CCDC50: variants seen among roughly 807,000 people sequenced by gnomAD.
CCDC50 encodes coiled-coil domain containing 50.
CCDC50 carries 54 observed loss-of-function variants against 70.2 expected under a neutral mutation model. The ratio of observed to expected loss-of-function variants is 0.77; its 90% CI spans 0.62 to 0.96. The LOEUF is 0.96. CCDC50 is among the 50% of genes least tolerant of loss of function. The pLI is 0.00. For synonymous variants in CCDC50, 216 were observed against 198.8 expected (o/e 1.09, Z -0.73); for missense variants, 558 against 578.7 (o/e 0.96, Z 0.37).
At chr3:191,336,547 A>T (rs1016965389) in intron 1 of CCDC50, among the ~76,000 whole-genome samples, 1 of 152,104 alleles carries the variant, frequency 6.6e-6, no homozygotes, top group Non-Finnish European at 1.5e-5. Context: ...GGAGTTCTTT[A>T]CATATTCTGG....
intron 1 of CCDC50, among the ~76,000 whole-genome samples, chr3:191,354,844 T>C (rs1002043380): frequency 3.3e-5 from 5 of 152,198 alleles, no homozygotes; most frequent in Admixed American, 6.6e-5. Context: ...TGGGGTAGTA[T>C]TTGCATATAA....
At chr3:191,345,638 C>T (rs1282160675) in intron 1 of CCDC50, among the ~76,000 whole-genome samples, 2 of 152,148 alleles carry the variant, frequency 1.3e-5, no homozygotes, top group Non-Finnish European at 2.9e-5. Flanking sequence ...ACCCGCTTGC[C>T]TGCAATCTGG....
intron 4 of CCDC50, among the ~76,000 whole-genome samples, chr3:191,365,633 T>A (rs1210972558): frequency 6.6e-6 from 1 of 152,204 alleles, no homozygotes; most frequent in Non-Finnish European, 1.5e-5. Flanking sequence ...TGTTAATTGC[T>A]AGTTAATAGA....
intron 1 of CCDC50, among the ~76,000 whole-genome samples, chr3:191,341,122 T>G (rs897406605): frequency 1.3e-5 from 2 of 152,164 alleles, no homozygotes; most frequent in Admixed American, 1.3e-4. Flanking sequence ...GAGCAAGTAC[T>G]CACTGTAAAT....
chr3:191,361,323 C>T (rs1422576704), intron 4 of CCDC50, among the ~76,000 whole-genome samples, 164 bp downstream of exon 4: 1 of 152,114 alleles, frequency 6.6e-6, no homozygotes, highest in Non-Finnish European at 1.5e-5. Context: ...TTTATAGCCT[C>T]TTGATTATGT....
chr3:191,380,389 T>C, intron 7 of CCDC50, 115 bp downstream of exon 7: 1 of 768,492 alleles, frequency 1.3e-6, no homozygotes, highest in Non-Finnish European at 2.3e-6. Context: ...CCTTTTTTTA[T>C]GAGTGGAAAA....
rs1302842427 is a variant in CCDC50, at chr3:191,370,013, A to G, written c.425A>G (p.Asp142Gly). 2 of 1,609,878 alleles carry G rather than the reference A, an allele frequency of 1.2e-6. No homozygotes were observed. Among genetic ancestry groups the G allele is most frequent in the South Asian group, 2.2e-5 (2 of 90,996 alleles). Reference sequence around the variant, plus strand: ...TTCCCTGCAACCCGTGCTTATGCAGATAGTTACTATTATGAAGATGGAGGT... The same window carrying G: ...TTCCCTGCAACCCGTGCTTATGCAGGTAGTTACTATTATGAAGATGGAGGT... ...PEFPATRAYA[D>G]SYYYEDGDQP... The change falls in exon 5 of 12, where the codon GAT (aspartate) becomes GGT (glycine). Residue 142 changes from aspartate to glycine, a missense_variant. Transcript: ENST00000392455.
intron 10 of CCDC50, among the ~76,000 whole-genome samples, chr3:191,389,169 G>C (rs771722376): frequency 2.0e-5 from 3 of 150,262 alleles, no homozygotes; most frequent in Non-Finnish European, 3.0e-5. Flanking sequence ...TCTTTGACTT[G>C]GTAAGACCTA....
In CCDC50 at chr3:191,392,552, T is replaced by G. The variant is rs1276802803; in HGVS notation, c.*792T>G. The G allele has an allele frequency of 6.6e-6, 1 of 152,230 alleles. No homozygotes were observed. Among genetic ancestry groups the G allele is most frequent in the Non-Finnish European group, 1.5e-5 (1 of 68,046 alleles). 9.4% of individuals were successfully genotyped at this position (152,230 alleles called of 1,614,324 possible). On this transcript the variant is annotated 3_prime_UTR_variant, in exon 12 of 12. Coordinates refer to ENST00000392455, the MANE Select transcript of CCDC50 (RefSeq NM_178335.3). ...CAAGGAAATGGAATTGAAAGATGAT[T>G]GCATAAGTAATGATGCCATCCTTCT... is the stretch of plus-strand genomic sequence containing the variant.
chr3:191,388,139 T>G (rs1713559554), intron 10 of CCDC50, among the ~76,000 whole-genome samples: 1 of 127,512 alleles, frequency 7.8e-6, no homozygotes, highest in Non-Finnish European at 1.9e-5. Context: ...TTCCATTACT[T>G]TTATATATAT....
At chr3:191,341,071 C>A (rs189627637) in intron 1 of CCDC50, among the ~76,000 whole-genome samples, 1 of 152,094 alleles carries the variant, frequency 6.6e-6, no homozygotes, top group African/African-American at 2.4e-5. Flanking sequence ...AGTGATCCTC[C>A]CAGCTTAGCC....
chr3:191,337,053 AT>A, intron 1 of CCDC50, among the ~76,000 whole-genome samples: 1 of 151,380 alleles, frequency 6.6e-6, no homozygotes, highest in Admixed American at 6.6e-5. Context: ...AGCCATACTT[AT>A]TCATTTACAT....
chr3:191,335,230 C>G (rs565336095), intron 1 of CCDC50, among the ~76,000 whole-genome samples: 1 of 152,106 alleles, frequency 6.6e-6, no homozygotes, highest in Non-Finnish European at 1.5e-5. Context: ...CTTGAAATCC[C>G]AGTTCTCCAA....
At chr3:191,341,699 A>G (rs909911463) in intron 1 of CCDC50, among the ~76,000 whole-genome samples, 1 of 152,220 alleles carries the variant, frequency 6.6e-6, no homozygotes, top group African/African-American at 2.4e-5. Context: ...AAGTACCAAT[A>G]AGGTGAATAT....
Position 191,354,684 on chromosome 3 carries a change from T to C in CCDC50, c.50-2404T>C, listed in dbSNP as rs556389487. Among the ~76,000 whole-genome samples, 3 of 152,244 alleles carry C rather than the reference T, an allele frequency of 2.0e-5. No individual in the cohort carries two copies. The East Asian group carries it at 5.8e-4, about 29-fold the overall frequency. ...TATATATTTCTGTGATGTTTATATA[T>C]AATACGGGAAAAGTTTCCCCAAACT... On this transcript the variant is annotated intron_variant, in intron 1 of 11. Transcript: ENST00000392455.
At chr3:191,383,113 T>G (rs1471772487) in intron 10 of CCDC50, among the ~76,000 whole-genome samples, 1 of 152,178 alleles carries the variant, frequency 6.6e-6, no homozygotes, top group Non-Finnish European at 1.5e-5. Flanking sequence ...TGCTTTCAGC[T>G]TGGGGAATGA....
chr3:191,382,736 T>C lies in CCDC50; in HGVS notation c.1243-10T>C. On this transcript the variant is annotated splice_polypyrimidine_tract_variant and intron_variant, in intron 9 of 11. Coordinates refer to ENST00000392455, the MANE Select transcript of CCDC50 (RefSeq NM_178335.3). ...TATTTTTGTTTGTTTGTTTGTATTT[T>C]TGTCCATAGCCAAAAACAGCTAAAG... 1 of 1,585,016 alleles carries C rather than the reference T, an allele frequency of 6.3e-7. No homozygotes were observed. Among genetic ancestry groups the C allele is most frequent in the East Asian group, 2.2e-5 (1 of 44,634 alleles).
At chr3:191,386,514 C>T (rs383075) in intron 10 of CCDC50, among the ~76,000 whole-genome samples, 54,985 of 151,842 alleles carry the variant, frequency 0.36, 11,443 homozygotes, top group Non-Finnish European at 0.48. Context: ...CGTGAGCCAC[C>T]GCGCCTGACC....
rs1170165233 is a variant in CCDC50, at chr3:191,395,049, G to A, written c.*3289G>A. 2 of 152,132 alleles carry A rather than the reference G, an allele frequency of 1.3e-5. No homozygotes were observed. The highest frequency in any genetic ancestry group is 6.5e-5 in the Admixed American group (1 of 15,278). 9.4% of individuals were successfully genotyped at this position (152,132 alleles called of 1,614,324 possible). A position where few individuals can be genotyped will look rare whatever the true frequency, so the allele number is the denominator to read the frequency against. ...TAGCTAAATTAGAAAAGAAAGATAT[G>A]GATAGATGCTTTTAGGAGGAAAACC... is the stretch of plus-strand genomic sequence containing the variant. On this transcript the variant is annotated 3_prime_UTR_variant, in exon 12 of 12. Coordinates refer to ENST00000392455, the MANE Select transcript of CCDC50 (RefSeq NM_178335.3).
Sources: allele counts gnomAD v4.1 joint callset (sites outside exome capture counted in the v4.1 genomes callset), GRCh38; gene constraint gnomAD v4.1.1; transcripts MANE v1.5; gene names NCBI Gene and HGNC (gene_info 2026-07-23, HGNC 2026-07-21).